The following LRRC4C variants were observed in gnomAD, a reference collection of about 807,000 sequenced individuals.
LRRC4C encodes the protein leucine rich repeat containing 4C.
LRRC4C carries 5 observed loss-of-function variants against 33.6 expected under a neutral mutation model. The ratio of observed to expected loss-of-function variants is 0.15; its 90% CI spans 0.08 to 0.31. The LOEUF is 0.31. LRRC4C is among the 10% of genes least tolerant of loss of function. The pLI, the probability that LRRC4C is intolerant of heterozygous loss-of-function variation, is 1.00. For synonymous variants in LRRC4C, 329 were observed against 302.0 expected (o/e 1.09, Z -0.93); for missense variants, 560 against 796.7 (o/e 0.70, Z 3.58).
chr11:41,453,324 A>G (rs1161255131), intron 1 of LRRC4C, among the ~76,000 whole-genome samples: 1 of 152,136 alleles, frequency 6.6e-6, no homozygotes, highest in East Asian at 1.9e-4. Flanking sequence ...GACCACAAAA[A>G]TATGGTACTG....
At chr11:41,116,767 C>T (rs1445754841) in intron 1 of LRRC4C, among the ~76,000 whole-genome samples, 1 of 151,940 alleles carries the variant, frequency 6.6e-6, no homozygotes, top group Non-Finnish European at 1.5e-5. Flanking sequence ...GGAATTTATC[C>T]TGATAATTTT....
intron 3 of LRRC4C, among the ~76,000 whole-genome samples, chr11:40,332,290 C>T (rs928301916): frequency 6.6e-6 from 1 of 152,288 alleles, no homozygotes; most frequent in Non-Finnish European, 1.5e-5. Context: ...AGTAACTCCA[C>T]GCATCCCTTG....
intron 1 of LRRC4C, among the ~76,000 whole-genome samples, chr11:41,188,380 C>CA (rs1457098361): frequency 6.6e-6 from 1 of 151,826 alleles, no homozygotes; most frequent in East Asian, 1.9e-4. Context: ...GATGATTTTC[C>CA]AAAAAAGCAG....
At chr11:41,400,702 C>T (rs1953992648) in intron 1 of LRRC4C, among the ~76,000 whole-genome samples, 1 of 151,748 alleles carries the variant, frequency 6.6e-6, no homozygotes, top group Non-Finnish European at 1.5e-5. Flanking sequence ...AAAGAACTGA[C>T]CAAAGCATCT....
intron 3 of LRRC4C, among the ~76,000 whole-genome samples, chr11:40,402,001 G>C (rs1404989664): frequency 6.6e-6 from 1 of 152,036 alleles, no homozygotes. Flanking sequence ...ATGTAACAAT[G>C]TTAGGGAGGT....
At chr11:41,055,993 C>G (rs1858592981) in intron 1 of LRRC4C, among the ~76,000 whole-genome samples, 1 of 152,118 alleles carries the variant, frequency 6.6e-6, no homozygotes, top group Non-Finnish European at 1.5e-5. Flanking sequence ...CACTGAAGGA[C>G]AGCCACTGGC....
At chr11:40,997,823 T>C (rs1397032354) in intron 1 of LRRC4C, among the ~76,000 whole-genome samples, 1 of 152,114 alleles carries the variant, frequency 6.6e-6, no homozygotes, top group Non-Finnish European at 1.5e-5. Flanking sequence ...TTGTGAGATG[T>C]ATATTAATAT....
chr11:40,181,143 C>A (rs1860965756), intron 5 of LRRC4C, among the ~76,000 whole-genome samples: 1 of 152,180 alleles, frequency 6.6e-6, no homozygotes, highest in South Asian at 2.1e-4. Context: ...CACCACAATT[C>A]TCTCCAGGAA....
intron 3 of LRRC4C, among the ~76,000 whole-genome samples, chr11:40,568,386 T>G (rs779359065): frequency 6.6e-6 from 1 of 152,234 alleles, no homozygotes; most frequent in Non-Finnish European, 1.5e-5. Context: ...ATACCTTGAT[T>G]GCAGGCTTTT....
chr11:41,037,897 T>G (rs1229054321), intron 1 of LRRC4C, among the ~76,000 whole-genome samples: 1 of 152,200 alleles, frequency 6.6e-6, no homozygotes, highest in Non-Finnish European at 1.5e-5. Flanking sequence ...TGCCTGGATT[T>G]TTACCCACAT....
intron 1 of LRRC4C, among the ~76,000 whole-genome samples, chr11:41,034,968 G>A (rs1008929226): frequency 6.7e-6 from 1 of 149,216 alleles, no homozygotes; most frequent in African/African-American, 2.4e-5. Flanking sequence ...TTTATTTTTT[G>A]TTGTTATGTT....
At chr11:41,160,979 G>A (rs1261084641) in intron 1 of LRRC4C, among the ~76,000 whole-genome samples, 2 of 152,136 alleles carry the variant, frequency 1.3e-5, no homozygotes, top group African/African-American at 2.4e-5. Context: ...TGAGGAATGG[G>A]AACAATTGAC....
chr11:40,877,082 G>T (rs1954933295), intron 2 of LRRC4C, among the ~76,000 whole-genome samples: 1 of 151,850 alleles, frequency 6.6e-6, no homozygotes. Context: ...CTTTAACGAG[G>T]TTGATAATTT....
intron 1 of LRRC4C, among the ~76,000 whole-genome samples, chr11:40,988,873 C>A (rs1337224978): frequency 2.0e-5 from 3 of 151,732 alleles, no homozygotes; most frequent in Non-Finnish European, 4.4e-5. Context: ...CCTGCCACCA[C>A]GCCCGGCTAA....
At chr11:40,750,207 G>A (rs1490365454) in intron 2 of LRRC4C, among the ~76,000 whole-genome samples, 1 of 152,110 alleles carries the variant, frequency 6.6e-6, no homozygotes, top group Admixed American at 6.5e-5. Context: ...GGGTGACAGA[G>A]TGAGACCCTG....
chr11:40,806,077 C>A (rs953625822), intron 2 of LRRC4C, among the ~76,000 whole-genome samples: 2 of 152,140 alleles, frequency 1.3e-5, no homozygotes, highest in African/African-American at 4.8e-5. Flanking sequence ...TAAATGCATA[C>A]ACTGAAACCT....
chr11:41,417,529 A>C (rs1954729227), intron 1 of LRRC4C, among the ~76,000 whole-genome samples: 1 of 152,090 alleles, frequency 6.6e-6, no homozygotes, highest in Admixed American at 6.6e-5. Context: ...AGAGTTTGGC[A>C]TAGGTCTAAA....
At chr11:40,886,021 A>G (rs1187838676) in intron 2 of LRRC4C, among the ~76,000 whole-genome samples, 1 of 152,116 alleles carries the variant, frequency 6.6e-6, no homozygotes, top group Non-Finnish European at 1.5e-5. Context: ...GTGCTGCCCA[A>G]GAATGTAGGC....
At chr11:40,498,187 G>C (rs980755424) in intron 3 of LRRC4C, among the ~76,000 whole-genome samples, 10 of 152,104 alleles carry the variant, frequency 6.6e-5, no homozygotes, top group African/African-American at 9.7e-5. Context: ...GAATGATTGA[G>C]TTCTGTTCCT....
Sources: gnomAD v4.1 joint callset for allele counts (sites outside exome capture counted in the v4.1 genomes callset) on GRCh38, gnomAD v4.1.1 for gene constraint, MANE v1.5 for transcripts, NCBI Gene and HGNC (gene_info 2026-07-23, HGNC 2026-07-21) for gene names.